The following NCOR2 variants were observed in gnomAD, a reference collection of about 807,000 sequenced individuals.
NCOR2 encodes the protein nuclear receptor corepressor 2, also known as CTG repeat protein 26.
NCOR2 carries 81 observed loss-of-function variants against 262.9 expected under a neutral mutation model. The ratio of observed to expected loss-of-function variants is 0.31; its 90% CI spans 0.26 to 0.37. NCOR2 has a LOEUF of 0.37. Ranked by LOEUF, NCOR2 falls within the 10% of genes least tolerant of loss-of-function variation. NCOR2 has a pLI of 1.00. For missense variants in NCOR2, 3,385 were observed against 3,621.4 expected (o/e 0.93, Z 1.68); for synonymous variants, 1,659 against 1,559.3 (o/e 1.06, Z -1.51).
intron 1 of NCOR2, among the ~76,000 whole-genome samples, chr12:124,510,792 G>A (rs2137018326): frequency 6.6e-6 from 1 of 152,264 alleles, no homozygotes; most frequent in South Asian, 2.1e-4. Context: ...CGGACAGGCT[G>A]TGGGCATCTC....
chr12:124,546,599 T>C (rs184563228), intron 1 of NCOR2, among the ~76,000 whole-genome samples: 1 of 152,204 alleles, frequency 6.6e-6, no homozygotes, highest in Admixed American at 6.5e-5. Context: ...ATTTTTAGTA[T>C]AGTCAGGGTT....
At chr12:124,450,730 C>T (rs998500167) in intron 6 of NCOR2, among the ~76,000 whole-genome samples, 1 of 152,230 alleles carries the variant, frequency 6.6e-6, no homozygotes, top group Non-Finnish European at 1.5e-5. Flanking sequence ...CCAGCTGCCA[C>T]GTGTCCCCTC....
In NCOR2 at chr12:124,341,907, C is replaced by T. The variant is rs201574379; in HGVS notation, c.5104G>A (p.Ala1702Thr). The change falls in exon 34 of 47, where the codon GCC (alanine) becomes ACC (threonine). Residue 1702 changes from alanine to threonine, a missense_variant. Ala to Thr is a moderately conservative substitution (Grantham distance 58, BLOSUM62 0). Coordinates refer to ENST00000405201, the Ensembl canonical transcript of NCOR2. ...AGCATATCAGCTCGCTGGGCCATGG[C>T]GGTGGCCGCGTTGTGGTGCATCTGC... 28 of 1,612,736 alleles carry T rather than the reference C, an allele frequency of 1.7e-5. No homozygotes were observed. Among genetic ancestry groups the T allele is most frequent in the South Asian group, 3.3e-5 (3 of 91,084 alleles).
intron 1 of NCOR2, among the ~76,000 whole-genome samples, chr12:124,558,869 C>T (rs1344845332): frequency 6.6e-6 from 1 of 152,196 alleles, no homozygotes; most frequent in Admixed American, 6.5e-5. Context: ...ATTTCACCGC[C>T]AGGGAAACTG....
intron 1 of NCOR2, among the ~76,000 whole-genome samples, chr12:124,558,593 G>T (rs535843173): frequency 6.6e-6 from 1 of 152,164 alleles, no homozygotes; most frequent in South Asian, 2.1e-4. Flanking sequence ...CCAGAAGGAC[G>T]CCCAGAACAG....
intron 28 of NCOR2, 75 bp downstream of exon 30, chr12:124,350,512 T>A: frequency 6.5e-7 from 1 of 1,547,434 alleles, no homozygotes; most frequent in Non-Finnish European, 8.8e-7. Context: ...CAGCCCTGCC[T>A]CCCTGTGAAG....
intron 5 of NCOR2, among the ~76,000 whole-genome samples, chr12:124,458,523 G>A (rs895215047): frequency 2.0e-5 from 3 of 152,140 alleles, no homozygotes; most frequent in African/African-American, 7.2e-5. Context: ...GTGCGGCTGG[G>A]GGCCAGAAGA....
At chr12:124,388,292 G>T (rs979623948) in intron 16 of NCOR2, among the ~76,000 whole-genome samples, 1 of 152,180 alleles carries the variant, frequency 6.6e-6, no homozygotes, top group Non-Finnish European at 1.5e-5. Context: ...GGGCAGGCTG[G>T]CACTGGCTTC....
intron 13 of NCOR2, among the ~76,000 whole-genome samples, chr12:124,413,796 C>T (rs2042716801): frequency 6.6e-6 from 1 of 152,058 alleles, no homozygotes; most frequent in South Asian, 2.1e-4. Context: ...TCAGCAACTC[C>T]CCAAAGACAT....
At chr12:124,507,683 G>A (rs557761570) in intron 1 of NCOR2, among the ~76,000 whole-genome samples, 1 of 152,384 alleles carries the variant, frequency 6.6e-6, no homozygotes, top group South Asian at 2.1e-4. Context: ...CTCAAGGCCA[G>A]GGCCCAGGGA....
chr12:124,391,750 G>A (rs887319074), intron 16 of NCOR2, among the ~76,000 whole-genome samples: 2 of 152,184 alleles, frequency 1.3e-5, no homozygotes, highest in African/African-American at 2.4e-5. Context: ...TCATAGGTAC[G>A]ATGTGAAAAA....
At chr12:124,438,849 AG>A (rs2044580766) in intron 7 of NCOR2, among the ~76,000 whole-genome samples, 2 of 152,158 alleles carry the variant, frequency 1.3e-5, no homozygotes, top group African/African-American at 4.8e-5. Flanking sequence ...CCAGAGACAG[AG>A]GGAGACAGAG....
At chr12:124,485,541 G>A (rs4765150) in intron 2 of NCOR2, among the ~76,000 whole-genome samples, 13,463 of 152,304 alleles carry the variant, frequency 0.088, 722 homozygotes, top group East Asian at 0.15. Flanking sequence ...TCTGTGGCTT[G>A]AAGCCGCCCA....
rs967320546 is a variant in NCOR2, at chr12:124,528,656, C to G, written c.-118+6909G>C. ...GCGTCTCCTCCACACCCTCATCTCTCCAGCAGAGGAAACCCTAGGAAAAAG... is the reference window on the plus strand; with the variant it reads ...GCGTCTCCTCCACACCCTCATCTCTGCAGCAGAGGAAACCCTAGGAAAAAG... On this transcript the variant is annotated intron_variant, in intron 1 of 46. Coordinates refer to the NCOR2 transcript ENST00000404621. Among the ~76,000 whole-genome samples, 8 of 152,214 alleles carry G rather than the reference C, an allele frequency of 5.3e-5. No homozygotes were observed. In the South Asian group the frequency reaches 1.5e-3, roughly 28 times the overall value.
At position 124,503,589 on chromosome 12, in the gene NCOR2, CGGATGGAT is replaced by C. The variant is rs1042751567; in HGVS notation, c.-117-8229_-117-8222del. On this transcript the variant is annotated intron_variant, in intron 1 of 46. Coordinates refer to the NCOR2 transcript ENST00000404621. The surrounding 1 kb of genome is among the most constrained non-coding windows in gnomAD (Gnocchi z 4.3). ...GATAGATGGAAGACGGACGGATGGA[CGGATGGAT>C]GGATGGACGGACGGACGGATGGATG... Among the ~76,000 whole-genome samples, 3 of 133,852 alleles carry C rather than the reference CGGATGGAT, an allele frequency of 2.2e-5. No homozygotes were observed. The highest frequency in any genetic ancestry group is 8.8e-5 in the African/African-American group (3 of 34,052). 87.8% of individuals were successfully genotyped at this position (133,852 alleles called of 152,430 possible). A position where few individuals can be genotyped will look rare whatever the true frequency, so the allele number is the denominator to read the frequency against.
intron 28 of NCOR2, chr12:124,348,542 C>T: frequency 3.5e-6 from 2 of 574,286 alleles, no homozygotes; most frequent in Non-Finnish European, 6.0e-6. Flanking sequence ...GTGGGAGATG[C>T]AGGGCACGCT....
intron 1 of NCOR2, chr12:124,556,438 T>G (rs1300421337): frequency 6.6e-6 from 1 of 152,296 alleles, no homozygotes; most frequent in African/African-American, 2.4e-5. Flanking sequence ...TCCACCCTTG[T>G]GGAACGTCCA....
rs2050857879 is a variant in NCOR2, at chr12:124,532,488, G to A, written c.-118+3077C>T. Among the ~76,000 whole-genome samples the A allele has an allele frequency of 3.3e-5, 5 of 152,340 alleles. No homozygotes were observed. The South Asian group carries it at 1.0e-3, about 32-fold the overall frequency. On this transcript the variant is annotated intron_variant, in intron 1 of 46. Coordinates refer to the NCOR2 transcript ENST00000404621. ...GAGGAGCCACTTGGGTCCTGCAAGG[G>A]GGCTCCTGGGAGCATCAGGTTCCCT...
chr12:124,377,292 T>A (rs2040078295), intron 18 of NCOR2, among the ~76,000 whole-genome samples: 1 of 152,120 alleles, frequency 6.6e-6, no homozygotes, highest in Non-Finnish European at 1.5e-5. Context: ...TTGTCTAGTC[T>A]ACAGCTGGTG....
Sources: allele counts gnomAD v4.1 joint callset (sites outside exome capture counted in the v4.1 genomes callset), GRCh38; gene constraint gnomAD v4.1.1; non-coding constraint Gnocchi (gnomAD v3.1); transcripts MANE v1.5; gene names NCBI Gene and HGNC (gene_info 2026-07-23, HGNC 2026-07-21).